GPR55: variants seen among roughly 807,000 people sequenced by gnomAD.
GPR55 encodes G-protein coupled receptor 55.
Under a neutral mutation model 7.9 loss-of-function variants are expected in GPR55, and 6 were observed. The observed-to-expected ratio is 0.76, with a 90% confidence interval of 0.41 to 1.49. The LOEUF (loss-of-function observed/expected upper bound fraction) is 1.49, where lower values mean the gene tolerates loss of function less well. Among genes scored for constraint, GPR55 ranks in the 40% most tolerant of loss-of-function variants. The pLI is 0.01. For synonymous variants in GPR55, 183 were observed against 166.8 expected, an observed-to-expected ratio of 1.10 and a Z score of -0.75; for missense variants, 376 against 406.0, an observed-to-expected ratio of 0.93 and a Z score of 0.63.
At chr2:230,942,124 C>T (rs917211578) in intron 1 of GPR55, among the ~76,000 whole-genome samples, 1 of 152,152 alleles carries the variant, frequency 6.6e-6, no homozygotes, top group African/African-American at 2.4e-5. Context: ...GTGACACAGA[C>T]CAGAAGGGGC....
intron 1 of GPR55, among the ~76,000 whole-genome samples, chr2:230,943,364 C>A (rs1426329721): frequency 6.6e-6 from 1 of 152,204 alleles, no homozygotes. Context: ...CCTCTCCTCT[C>A]CCACTAGCCA....
intron 1 of GPR55, among the ~76,000 whole-genome samples, chr2:230,943,286 G>A (rs921772822): frequency 5.9e-5 from 9 of 151,990 alleles, no homozygotes; most frequent in Non-Finnish European, 8.8e-5. Flanking sequence ...CTGGCTCCCC[G>A]CCCCCAGACT....
rs142376700 is a variant in GPR55, at chr2:230,923,446, G to A, written c.-135+1722C>T. Among the ~76,000 whole-genome samples the A allele has an allele frequency of 3.3e-3, 509 of 152,302 alleles. 4 individuals are homozygous for A. Among genetic ancestry groups the A allele is most frequent in the African/African-American group, 0.012 (487 of 41,570 alleles). On this transcript the variant is annotated intron_variant, in intron 1 of 1. Coordinates refer to ENST00000650999, the MANE Select transcript of GPR55 (RefSeq NM_005683.4). This position sits in a 1 kb window ranked among gnomAD's most constrained non-coding sequence, Gnocchi z 4.1. ...AAATGCCGCAGTTAGAATACACAGC[G>A]TATCCACCAGTAACACCATAGTGTG...
intron 1 of GPR55, among the ~76,000 whole-genome samples, chr2:230,942,873 A>C (rs944086031): frequency 6.6e-6 from 1 of 152,124 alleles, no homozygotes; most frequent in African/African-American, 2.4e-5. Context: ...CAGGCTAGGG[A>C]GAGCTGGGTG....
chr2:230,921,497 G>A (rs1690835052), intron 1 of GPR55, among the ~76,000 whole-genome samples: 1 of 152,206 alleles, frequency 6.6e-6, no homozygotes, highest in Admixed American at 6.5e-5. Context: ...CTTAGCTGCA[G>A]TGCCATATTA....
intron 1 of GPR55, among the ~76,000 whole-genome samples, chr2:230,959,565 G>A (rs546749191): frequency 6.6e-6 from 1 of 152,316 alleles, no homozygotes; most frequent in South Asian, 2.1e-4. Flanking sequence ...CAGAGAAGCA[G>A]CTTGCCCAAG....
intron 1 of GPR55, among the ~76,000 whole-genome samples, chr2:230,959,664 A>G (rs1417976847): frequency 1.3e-5 from 1 of 74,588 alleles, no homozygotes; most frequent in African/African-American, 5.0e-5. Context: ...AAAGCACTGC[A>G]TTATTTTTTT....
upstream of GPR55, chr2:230,928,577 G>C (rs900585109): frequency 1.3e-5 from 2 of 152,182 alleles, no homozygotes; most frequent in Non-Finnish European, 2.9e-5. Context: ...AGTCGGCATG[G>C]TAACAGGGGT....
intron 1 of GPR55, among the ~76,000 whole-genome samples, chr2:230,957,111 G>GC (rs1251799650): frequency 3.3e-5 from 5 of 152,108 alleles, no homozygotes; most frequent in Non-Finnish European, 7.3e-5. Context: ...AGGTACAACA[G>GC]CAAAACCAGC....
chr2:230,914,620 T>C (rs573470715), intron 1 of GPR55, among the ~76,000 whole-genome samples: 1 of 151,744 alleles, frequency 6.6e-6, no homozygotes, highest in East Asian at 1.9e-4. Flanking sequence ...TCAAAGAAGT[T>C]TGCTAATAAA....
intron 1 of GPR55, among the ~76,000 whole-genome samples, chr2:230,951,767 T>G (rs372930053): frequency 0.38 from 56,869 of 150,290 alleles, 11,798 homozygotes; most frequent in African/African-American, 0.53. Context: ...TTTTTTTTTT[T>G]TTTTTTTGTG....
chr2:230,926,682 C>CTTTTTTTTTTT (rs56318183), upstream of GPR55, among the ~76,000 whole-genome samples: 1 of 100,940 alleles, frequency 9.9e-6, no homozygotes, highest in African/African-American at 4.3e-5. Flanking sequence ...TGGCTACCTT[C>CTTTTTTTTTTT]TTTTTTTTTT....
intron 1 of GPR55, among the ~76,000 whole-genome samples, chr2:230,943,252 CCT>C (rs1691261956): frequency 6.6e-6 from 1 of 152,146 alleles, no homozygotes; most frequent in Non-Finnish European, 1.5e-5. Context: ...GGAGCCATCC[CCT>C]GTTAGCAGGA....
upstream of GPR55, among the ~76,000 whole-genome samples, chr2:230,926,063 G>A (rs369643034): frequency 5.3e-5 from 8 of 152,194 alleles, no homozygotes; most frequent in African/African-American, 9.7e-5. Context: ...AGGCCCTGTC[G>A]GAGGACCAAA....
upstream of GPR55, among the ~76,000 whole-genome samples, chr2:230,929,012 A>G (rs559406780): frequency 9.7e-4 from 147 of 151,930 alleles, no homozygotes; most frequent in Non-Finnish European, 1.4e-3. Context: ...CCACTTCTTT[A>G]TTTTATTTTA....
intron 1 of GPR55, among the ~76,000 whole-genome samples, chr2:230,947,985 A>G (rs2125068593): frequency 6.6e-6 from 1 of 152,216 alleles, no homozygotes; most frequent in East Asian, 1.9e-4. Context: ...GTGTCTGTCA[A>G]GCTCCCCATC....
At chr2:230,957,898 G>A (rs912053697) in intron 1 of GPR55, 4 of 525,272 alleles carry the variant, frequency 7.6e-6, no homozygotes, top group South Asian at 2.9e-5. Context: ...GATATTATGT[G>A]AAAGTACCCA....
intron 1 of GPR55, among the ~76,000 whole-genome samples, chr2:230,932,889 A>G (rs1265136533): frequency 6.6e-6 from 1 of 151,196 alleles, no homozygotes; most frequent in African/African-American, 2.5e-5. Flanking sequence ...TCTCTCTTGC[A>G]TGCGCTCGCT....
intron 1 of GPR55, among the ~76,000 whole-genome samples, chr2:230,937,821 C>G (rs886287848): frequency 1.3e-5 from 2 of 151,942 alleles, no homozygotes; most frequent in Non-Finnish European, 2.9e-5. Flanking sequence ...CCACAACCAC[C>G]AAACAGAATA....
Sources: gnomAD v4.1 joint callset for allele counts (sites outside exome capture counted in the v4.1 genomes callset) on GRCh38, gnomAD v4.1.1 for gene constraint, Gnocchi (gnomAD v3.1) non-coding constraint, MANE v1.5 for transcripts, NCBI Gene and HGNC (gene_info 2026-07-23, HGNC 2026-07-21) for gene names.